Variants in DLEU7 observed in about 807,000 individuals in gnomAD.
DLEU7 encodes the protein leukemia-associated protein 7.
Under a neutral mutation model 16.0 loss-of-function variants are expected in DLEU7, and 17 were observed. The ratio of observed to expected loss-of-function variants is 1.06; its 90% CI spans 0.73 to 1.59. The LOEUF (loss-of-function observed/expected upper bound fraction) is 1.59, where lower values mean the gene tolerates loss of function less well. Among genes scored for constraint, DLEU7 ranks in the 40% most tolerant of loss-of-function variants. DLEU7 has a pLI of 0.00. For synonymous variants in DLEU7, 113 were observed against 139.8 expected (o/e 0.81, Z 1.35); for missense variants, 308 against 314.9 (o/e 0.98, Z 0.17).
chr13:50,772,359 C>T (rs1276161696), intron 1 of DLEU7, among the ~76,000 whole-genome samples: 2 of 152,102 alleles, frequency 1.3e-5, no homozygotes, highest in Non-Finnish European at 2.9e-5. Flanking sequence ...TCTTCCTAGC[C>T]TCGATGGTCT....
intron 1 of DLEU7, among the ~76,000 whole-genome samples, chr13:50,780,812 G>A (rs1241110377): frequency 1.3e-5 from 2 of 152,158 alleles, no homozygotes; most frequent in East Asian, 1.9e-4. Context: ...ATGCAGAAGG[G>A]GCAATCAGAG....
chr13:50,762,567 T>G (rs1874969368), intron 1 of DLEU7, among the ~76,000 whole-genome samples: 1 of 152,158 alleles, frequency 6.6e-6, no homozygotes, highest in Admixed American at 6.5e-5. Context: ...GCTTTGAACT[T>G]GATGGAAGCT....
intron 1 of DLEU7, among the ~76,000 whole-genome samples, chr13:50,714,213 G>A (rs1566226474): frequency 1.3e-5 from 2 of 152,142 alleles, no homozygotes; most frequent in South Asian, 2.1e-4. Flanking sequence ...CTTGGATCCC[G>A]CCATGCCTGA....
chr13:50,794,557 ATGTT>A (rs1279119409), intron 1 of DLEU7, among the ~76,000 whole-genome samples: 1 of 152,124 alleles, frequency 6.6e-6, no homozygotes, highest in East Asian at 1.9e-4. Context: ...TCTGGTGAAA[ATGTT>A]TAAGTTTTTT....
In DLEU7 at chr13:50,724,869, T is replaced by C. The variant is rs1873724763; in HGVS notation, c.460-11629A>G. ...AAAGAGAGTGACTCTGAGGGTCCCA[T>C]GCCAGCGATTAAATGTTTCGGTCTA... is the stretch of plus-strand genomic sequence containing the variant. On this transcript the variant is annotated intron_variant, in intron 1 of 1. Coordinates refer to the DLEU7 transcript ENST00000400393. Among the ~76,000 whole-genome samples the C allele has an allele frequency of 2.0e-5, 3 of 152,150 alleles. No individual in the cohort carries two copies. The South Asian group carries it at 6.2e-4, about 32-fold the overall frequency.
intron 1 of DLEU7, among the ~76,000 whole-genome samples, chr13:50,809,820 C>T (rs762334307): frequency 2.0e-5 from 3 of 152,084 alleles, no homozygotes; most frequent in African/African-American, 7.2e-5. Context: ...TACAGTGGGA[C>T]AGAAAGTCAG....
intron 1 of DLEU7, among the ~76,000 whole-genome samples, chr13:50,766,473 C>G (rs762987914): frequency 3.3e-4 from 33 of 101,124 alleles, no homozygotes; most frequent in South Asian, 5.4e-4. Flanking sequence ...TGTCTTCCTT[C>G]TCTTCCTACT....
chr13:50,736,083 T>G (rs1298382234), intron 1 of DLEU7, among the ~76,000 whole-genome samples: 1 of 152,156 alleles, frequency 6.6e-6, no homozygotes, highest in East Asian at 1.9e-4. Flanking sequence ...CTATTAACAA[T>G]AGCAAAGACG....
chr13:50,823,132 T>A lies in DLEU7; in HGVS notation c.*182A>T. 7.9e-6 allele frequency: 11 copies of A among 1,391,774 alleles called. No individual in the cohort carries two copies. The highest frequency in any genetic ancestry group is 1.0e-5 in the Non-Finnish European group (11 of 1,073,966). The allele number at this position is 1,391,774 out of a possible 1,614,324, so 86.2% of individuals were successfully genotyped here. On this transcript the variant is annotated 3_prime_UTR_variant, in exon 2 of 2. Coordinates refer to ENST00000504404, the MANE Select transcript of DLEU7 (RefSeq NM_001306135.2). ...ATATGAACTACTGCTTTAAAAAAAT[T>A]TCATTAACATGCTATAATCCCGAAG...
intron 1 of DLEU7, among the ~76,000 whole-genome samples, chr13:50,817,704 C>G (rs1876773908): frequency 6.6e-6 from 1 of 152,108 alleles, no homozygotes; most frequent in Non-Finnish European, 1.5e-5. Flanking sequence ...GTCCTATGTT[C>G]TGTCAGAAGC....
At chr13:50,761,389 G>A (rs1874925089) in intron 1 of DLEU7, among the ~76,000 whole-genome samples, 1 of 151,664 alleles carries the variant, frequency 6.6e-6, no homozygotes, top group African/African-American at 2.4e-5. Context: ...TTATCAAAAG[G>A]GGTGGAGTGG....
At chr13:50,768,719 A>G (rs1415887773) in intron 1 of DLEU7, among the ~76,000 whole-genome samples, 1 of 152,144 alleles carries the variant, frequency 6.6e-6, no homozygotes, top group South Asian at 2.1e-4. Flanking sequence ...AGTCTTTGCT[A>G]TTGTGAATAG....
chr13:50,826,837 A>G (rs567956516), intron 1 of DLEU7, among the ~76,000 whole-genome samples: 1 of 152,276 alleles, frequency 6.6e-6, no homozygotes, highest in African/African-American at 2.4e-5. Flanking sequence ...ATTTCTCACC[A>G]CAACAATAGA....
chr13:50,733,887 C>G (rs1843821167), intron 1 of DLEU7, among the ~76,000 whole-genome samples: 1 of 152,130 alleles, frequency 6.6e-6, no homozygotes. Context: ...GAAAATACAA[C>G]CTCCTTAACA....
intron 1 of DLEU7, among the ~76,000 whole-genome samples, chr13:50,767,475 A>C (rs1009149426): frequency 1.3e-5 from 2 of 151,452 alleles, no homozygotes; most frequent in African/African-American, 4.9e-5. Flanking sequence ...AAAAAAAAAA[A>C]AAACTCCAGA....
rs187745377 is a variant in DLEU7, at chr13:50,803,268, A to G, written c.459+39920T>C. 5.7e-3 allele frequency among the ~76,000 whole-genome samples: 862 copies of G among 152,288 alleles called. 7 individuals carry two copies. The highest frequency in any genetic ancestry group is 0.019 in the African/African-American group (808 of 41,576). ...TCACTCTCCCCTTCCTCATGGACTC[A>G]GCATGTTATAGAATGTGTTGATCAT... On this transcript the variant is annotated intron_variant, in intron 1 of 1. Transcript: ENST00000400393.
chr13:50,771,237 G>T (rs1041670302), intron 1 of DLEU7, among the ~76,000 whole-genome samples: 3 of 151,974 alleles, frequency 2.0e-5, no homozygotes, highest in Non-Finnish European at 4.4e-5. Flanking sequence ...TTGATTTTTT[G>T]AAGGATTTTT....
At chr13:50,749,669 T>C (rs898898809) in intron 1 of DLEU7, among the ~76,000 whole-genome samples, 6 of 152,236 alleles carry the variant, frequency 3.9e-5, no homozygotes, top group Admixed American at 1.3e-4. Context: ...TGGTTTTGAT[T>C]TGCATTTTCC....
At chr13:50,796,064 GATATATATAATATTCCC>G (rs1198989961) in intron 1 of DLEU7, among the ~76,000 whole-genome samples, 1 of 135,054 alleles carries the variant, frequency 7.4e-6, no homozygotes, top group Non-Finnish European at 1.6e-5. Flanking sequence ...ATACCACCAG[GATATATATAATATTCCC>G]CCCTTATCTG....
Sources: allele counts gnomAD v4.1 joint callset (sites outside exome capture counted in the v4.1 genomes callset), GRCh38; gene constraint gnomAD v4.1.1; transcripts MANE v1.5; gene names NCBI Gene and HGNC (gene_info 2026-07-23, HGNC 2026-07-21).